The following SND1 variants were observed in gnomAD, a reference collection of about 807,000 sequenced individuals.
The protein encoded by SND1 is staphylococcal nuclease domain-containing protein 1.
SND1 carries 38 observed loss-of-function variants against 121.7 expected under a neutral mutation model. The ratio of observed to expected loss-of-function variants is 0.31; its 90% CI spans 0.24 to 0.41. The LOEUF (loss-of-function observed/expected upper bound fraction) is 0.41, where lower values mean the gene tolerates loss of function less well. Among genes scored for constraint, SND1 ranks in the 10% least tolerant of loss-of-function variants. SND1 has a pLI of 1.00. For synonymous variants in SND1, 401 were observed against 447.4 expected (o/e 0.90, Z 1.31); for missense variants, 868 against 1,184.6 (o/e 0.73, Z 3.92).
In SND1 at chr7:128,028,031, C is replaced by G. The variant is rs1006599782; in HGVS notation, c.1779+36975C>G. 7.2e-5 allele frequency: 11 copies of G among 152,692 alleles called. No individual in the cohort carries two copies. The East Asian group carries it at 7.7e-4, about 11-fold the overall frequency. The allele number at this position is 152,692 out of a possible 1,614,324, so 9.5% of individuals were successfully genotyped here. ...TGCACAGACCCCCAAGACTTGTGCA[C>G]ATGGACAAAGACTCAGCCCCTTTAA... On this transcript the variant is annotated intron_variant, in intron 16 of 23. Transcript: ENST00000354725.
chr7:127,703,390 G>A (rs1252343235), intron 7 of SND1, 67 bp downstream of exon 7: 3 of 1,546,856 alleles, frequency 1.9e-6, no homozygotes, highest in Non-Finnish European at 2.7e-6. Flanking sequence ...AAGAATAGGG[G>A]TTTGCTTCTC....
At chr7:127,794,061 G>T (rs551683085) in intron 10 of SND1, among the ~76,000 whole-genome samples, 1 of 152,284 alleles carries the variant, frequency 6.6e-6, no homozygotes, top group South Asian at 2.1e-4. Flanking sequence ...ATAGTAGTGG[G>T]TGATAAATGT....
intron 10 of SND1, among the ~76,000 whole-genome samples, chr7:127,787,664 C>G (rs1323328040): frequency 6.6e-6 from 1 of 152,236 alleles, no homozygotes; most frequent in Non-Finnish European, 1.5e-5. Context: ...CCTTCTCTCT[C>G]TGTTCTTCCT....
At chr7:128,001,228 G>A (rs780470612) in intron 16 of SND1, among the ~76,000 whole-genome samples, 3 of 152,274 alleles carry the variant, frequency 2.0e-5, no homozygotes, top group Admixed American at 6.5e-5. Flanking sequence ...ACCCTAACCT[G>A]GTCAAAACAA....
intron 14 of SND1, among the ~76,000 whole-genome samples, chr7:127,924,925 A>G (rs1800799791): frequency 6.6e-6 from 1 of 152,156 alleles, no homozygotes; most frequent in South Asian, 2.1e-4. Context: ...GTTTATAATT[A>G]AGGTGTTTTT....
At chr7:127,746,000 G>A (rs1008788526) in intron 10 of SND1, among the ~76,000 whole-genome samples, 2 of 152,174 alleles carry the variant, frequency 1.3e-5, no homozygotes, top group African/African-American at 4.8e-5. Context: ...CCATTTTGGG[G>A]TAGTCAGCTC....
At chr7:127,934,617 G>C (rs781705932) in intron 15 of SND1, among the ~76,000 whole-genome samples, 1 of 152,044 alleles carries the variant, frequency 6.6e-6, no homozygotes, top group Admixed American at 6.5e-5. Context: ...GGAGTGGGGG[G>C]TGGTGTTGAG....
At chr7:128,009,206 A>G (rs559161944) in intron 16 of SND1, among the ~76,000 whole-genome samples, 3 of 152,344 alleles carry the variant, frequency 2.0e-5, no homozygotes, top group East Asian at 3.9e-4. Flanking sequence ...ACTGAATAAA[A>G]TATGCAAAGG....
chr7:127,737,167 A>G (rs1018215136), intron 10 of SND1, among the ~76,000 whole-genome samples: 11 of 152,358 alleles, frequency 7.2e-5, no homozygotes, highest in African/African-American at 1.7e-4. Context: ...GAGGAGGATG[A>G]TGCTGCCAGT....
At position 127,694,920 on chromosome 7, in the gene SND1, A is replaced by C; in HGVS notation, c.321A>C (p.Arg107=). ...TAGAAAACAAGACTCCCCAGGGGCGAGAGTATGGCATGATCTACCTTGGAA... is the reference window on the plus strand; with the variant it reads ...TAGAAAACAAGACTCCCCAGGGGCGCGAGTATGGCATGATCTACCTTGGAA... The part of the protein sequence containing the change: ...FTIENKTPQG[R]EYGMIYLGKD... The change falls in exon 3 of 24, where the codon CGA becomes CGC. Residue 107 remains arginine (R), a synonymous_variant. Transcript: ENST00000354725. The C allele has an allele frequency of 5.6e-6, 9 of 1,613,828 alleles. No homozygotes were observed. The highest frequency in any genetic ancestry group is 6.8e-6 in the Non-Finnish European group (8 of 1,179,788).
intron 14 of SND1, among the ~76,000 whole-genome samples, chr7:127,928,406 A>G (rs1289349085): frequency 2.6e-5 from 4 of 152,150 alleles, no homozygotes; most frequent in Non-Finnish European, 2.9e-5. Flanking sequence ...CAAGGTTAAG[A>G]AACTGTGAGC....
At chr7:128,004,805 A>G (rs1802920567) in intron 16 of SND1, among the ~76,000 whole-genome samples, 1 of 152,150 alleles carries the variant, frequency 6.6e-6, no homozygotes, top group African/African-American at 2.4e-5. Context: ...AGAGTTTGCA[A>G]TCTTGCCTGT....
intron 11 of SND1, among the ~76,000 whole-genome samples, chr7:127,838,114 A>G (rs1798899570): frequency 6.6e-6 from 1 of 152,196 alleles, no homozygotes; most frequent in African/African-American, 2.4e-5. Flanking sequence ...GGAAGGGCTT[A>G]CAGAACAGGT....
chr7:127,901,433 C>T (rs921207535), intron 13 of SND1, among the ~76,000 whole-genome samples: 15 of 152,246 alleles, frequency 9.9e-5, no homozygotes, highest in African/African-American at 3.6e-4. Flanking sequence ...TTGTGACAAG[C>T]AGAGGGAGGT....
rs970499936 is a variant in SND1 at position 127,807,679 on chromosome 7, C to A, written c.1242+106C>A. The A allele has an allele frequency of 8.5e-6, 7 of 820,710 alleles. No homozygotes were observed. In the African/African-American group the frequency reaches 1.2e-4, roughly 14 times the overall value. 50.8% of individuals were successfully genotyped at this position (820,710 alleles called of 1,614,324 possible). ...CCCTTTACCAGCAGATGACACTTCT[C>A]CATCAAGTCAAATGGAATTACTTTG... On this transcript the variant is annotated intron_variant, in intron 11 of 23. Transcript: ENST00000354725.
chr7:128,043,314 A>G (rs11979138), intron 16 of SND1, among the ~76,000 whole-genome samples: 2 of 152,136 alleles, frequency 1.3e-5, no homozygotes, highest in South Asian at 2.1e-4. Context: ...TTAGTCCATC[A>G]TAAATAATAT....
chr7:127,940,177 C>A (rs1801162601), intron 15 of SND1, among the ~76,000 whole-genome samples: 1 of 152,106 alleles, frequency 6.6e-6, no homozygotes, highest in South Asian at 2.1e-4. Context: ...TGGGAAACTT[C>A]CAGAAATCTG....
At chr7:127,803,234 G>A (rs1170398917) in intron 10 of SND1, among the ~76,000 whole-genome samples, 2 of 152,048 alleles carry the variant, frequency 1.3e-5, no homozygotes, top group Non-Finnish European at 2.9e-5. Flanking sequence ...ATACCTCTTT[G>A]AGTTTTTGAT....
rs536583288 is a variant in SND1, at chr7:127,901,109, C to T, written c.1455-3638C>T. Among the ~76,000 whole-genome samples the T allele has an allele frequency of 9.2e-5, 14 of 152,252 alleles. No homozygotes were observed. In the South Asian group the frequency reaches 1.5e-3, roughly 16 times the overall value. ...AGCAGATAAGGTGGAAGCCAGCCTGCGGTCTGCCTACCTTCCCATGTCTCA... is the reference window on the plus strand; with the variant it reads ...AGCAGATAAGGTGGAAGCCAGCCTGTGGTCTGCCTACCTTCCCATGTCTCA... On this transcript the variant is annotated intron_variant, in intron 13 of 23. Coordinates refer to ENST00000354725, the MANE Select transcript of SND1 (RefSeq NM_014390.4).
Sources: gnomAD v4.1 joint callset for allele counts (sites outside exome capture counted in the v4.1 genomes callset) on GRCh38, gnomAD v4.1.1 for gene constraint, MANE v1.5 for transcripts, NCBI Gene and HGNC (gene_info 2026-07-23, HGNC 2026-07-21) for gene names.